Variants in VPS28 observed in about 807,000 individuals in gnomAD.
VPS28 encodes VPS28 subunit of ESCRT-I, also known as vacuolar protein sorting-associated protein 28 homolog.
VPS28 carries 29 observed loss-of-function variants against 33.7 expected under a neutral mutation model. The observed-to-expected ratio is 0.86, with a 90% CI of 0.64 to 1.17. VPS28 has a LOEUF of 1.17. VPS28 is among the 50% of genes most tolerant of loss of function. The pLI, the probability that VPS28 is intolerant of heterozygous loss-of-function variation, is 0.00. For missense variants in VPS28, 247 were observed against 312.2 expected (o/e 0.79, Z 1.57); for synonymous variants, 164 against 116.7 (o/e 1.40, Z -2.61).
chr8:144,426,931 G>A lies in VPS28; in HGVS notation c.15C>T (p.Ile5=), dbSNP rs143295212. Residue 5 remains isoleucine (I), a synonymous_variant, in exon 2 of 10, where the codon ATC becomes ATT. Coordinates refer to ENST00000292510, the MANE Select transcript of VPS28 (RefSeq NM_016208.4). MFHG[I]PATPGIGAPG... ...CACCTCCTATGCCCGGCGTGGCTGG[G>A]ATCCCATGAAACATCCTCTAGGCTC... 3 of 1,612,584 alleles carry A rather than the reference G, an allele frequency of 1.9e-6. No homozygotes were observed. Among genetic ancestry groups the A allele is most frequent in the African/African-American group, 2.7e-5 (2 of 74,920 alleles).
chr8:144,426,535 G>A, intron 2 of VPS28: 1 of 430,696 alleles, frequency 2.3e-6, no homozygotes, highest in Non-Finnish European at 4.2e-6. Context: ...CAGCTCCCCA[G>A]CTCCACCATG....
chr8:144,426,206 G>A lies in VPS28; in HGVS notation c.40C>T (p.Pro14Ser), dbSNP rs782765167. The part of the protein sequence containing the change: ...GIPATPGIGA[P>S]GNKPELYEEV... ...TCATACAGCTCCGGCTTGTTCCCAG[G>A]GGCTGCAAGAGAAGGCAGAGAGCTG... The change falls in exon 3 of 10, where the codon CCT becomes TCT. Residue 14 changes from proline to serine, a missense_variant and splice_region_variant. By Grantham distance (74) the Pro-to-Ser change is moderately conservative (BLOSUM62 -1). Transcript: ENST00000292510. 2 of 1,603,776 alleles carry A rather than the reference G, an allele frequency of 1.2e-6. No homozygotes were observed. Among genetic ancestry groups the A allele is most frequent in the South Asian group, 1.1e-5 (1 of 89,684 alleles).
Position 144,425,674 on chromosome 8 carries a change from G to A in VPS28, c.194+9C>T. 1.2e-6 allele frequency: 2 copies of A among 1,613,536 alleles called. No homozygotes were observed. The highest frequency in any genetic ancestry group is 1.7e-6 in the Non-Finnish European group (2 of 1,179,732). ...GCAGGAACAGACCTCCCAGGACGTG[G>A]GCTCTTACTCGCTGGGGGAGACACA... On this transcript the variant is annotated intron_variant, in intron 5 of 9. Transcript: ENST00000292510.
chr8:144,426,339 G>A, intron 2 of VPS28, 131 bp from the exon 3 acceptor site: 1 of 1,242,698 alleles, frequency 8.0e-7, no homozygotes, highest in South Asian at 1.6e-5. Flanking sequence ...AGAGGGAGCT[G>A]GAGCACAGAG....
rs868987240 is a variant in VPS28, at chr8:144,425,645, C to T, written c.194+38G>A. On this transcript the variant is annotated intron_variant, in intron 5 of 9. Coordinates refer to ENST00000292510, the MANE Select transcript of VPS28 (RefSeq NM_016208.4). ...CTGCCTATGGAGCACCCAAGCCCCC[C>T]AGGGCAGGAACAGACCTCCCAGGAC... The T allele has an allele frequency of 1.0e-5, 16 of 1,607,964 alleles. No homozygotes were observed. In the Middle Eastern group the frequency reaches 1.3e-3, roughly 133 times the overall value.
chr8:144,424,893 A>T, intron 6 of VPS28, 53 bp downstream of exon 6: 1 of 1,611,244 alleles, frequency 6.2e-7, no homozygotes, highest in Non-Finnish European at 8.5e-7. Flanking sequence ...CTGGCACCCC[A>T]TACCCATGCC....
chr8:144,423,722 G>A lies in VPS28; in HGVS notation c.*83C>T, dbSNP rs1033377474. On this transcript the variant is annotated 3_prime_UTR_variant, in exon 10 of 10. Coordinates refer to ENST00000292510, the MANE Select transcript of VPS28 (RefSeq NM_016208.4). Reference sequence around the variant, plus strand: ...GCTGCAGACAGTGAGTTGTGTGGATGACCACGGCCTGTGTGGCGGACAGGG... The same window carrying A: ...GCTGCAGACAGTGAGTTGTGTGGATAACCACGGCCTGTGTGGCGGACAGGG... 2.6e-6 allele frequency: 4 copies of A among 1,552,322 alleles called. No homozygotes were observed. Among genetic ancestry groups the A allele is most frequent in the Non-Finnish European group, 2.6e-6 (3 of 1,134,178 alleles).
intron 5 of VPS28, 132 bp from the exon 6 acceptor site, chr8:144,425,183 A>T: frequency 2.6e-6 from 2 of 758,014 alleles, no homozygotes; most frequent in South Asian, 3.4e-5. Flanking sequence ...CCGAGCAAGG[A>T]GGAGGGGCTG....
chr8:144,425,876 T>A (rs772299354), intron 4 of VPS28, 104 bp from the exon 5 acceptor site: 2 of 1,559,692 alleles, frequency 1.3e-6, no homozygotes, highest in Non-Finnish European at 1.7e-6. Context: ...TCTGCCCACC[T>A]CTTGCTCCAT....
Position 144,423,697 on chromosome 8 carries a change from G to GT in VPS28, c.*107_*108insA. On this transcript the variant is annotated 3_prime_UTR_variant, in exon 10 of 10. Coordinates refer to ENST00000292510, the MANE Select transcript of VPS28 (RefSeq NM_016208.4). Reference sequence around the variant, plus strand: ...ACCAAAGACAGACACCAGACAGGCAGCTGCAGACAGTGAGTTGTGTGGATG... The same window carrying GT: ...ACCAAAGACAGACACCAGACAGGCAGTCTGCAGACAGTGAGTTGTGTGGATG... 1.4e-6 allele frequency: 2 copies of GT among 1,398,322 alleles called. No individual in the cohort carries two copies. The highest frequency in any genetic ancestry group is 2.0e-6 in the Non-Finnish European group (2 of 1,007,726). The allele number at this position is 1,398,322 out of a possible 1,614,324, so 86.6% of individuals were successfully genotyped here.
chr8:144,426,341 A>T, intron 2 of VPS28, 133 bp from the exon 3 acceptor site: 1 of 1,246,478 alleles, frequency 8.0e-7, no homozygotes, highest in East Asian at 2.6e-5. Flanking sequence ...AGGGAGCTGG[A>T]GCACAGAGGT....
Position 144,426,204 on chromosome 8 carries a change from AG to A in VPS28, c.41del (p.Pro14LeufsTer11). On this transcript the variant is annotated frameshift_variant, in exon 3 of 10. Transcript: ENST00000292510. LOFTEE classifies it high-confidence loss of function. Reference protein sequence around the residue: ...GIPATPGIGAPGNKPELYEEV... With the variant: ...GIPATPGIGAXGNKPELYEEV... Reference sequence around the variant, plus strand: ...CCTCATACAGCTCCGGCTTGTTCCCAGGGGCTGCAAGAGAAGGCAGAGAGCT... The same window carrying A: ...CCTCATACAGCTCCGGCTTGTTCCCAGGGCTGCAAGAGAAGGCAGAGAGCT... 6.2e-7 allele frequency: 1 copy of A among 1,603,628 alleles called. No homozygotes were observed. Among genetic ancestry groups the A allele is most frequent in the Non-Finnish European group, 8.5e-7 (1 of 1,175,396 alleles).
At position 144,424,835 on chromosome 8, in the gene VPS28, T is replaced by G. The variant is rs782255311; in HGVS notation, c.301-16A>C. 3 of 1,613,698 alleles carry G rather than the reference T, an allele frequency of 1.9e-6. No homozygotes were observed. The highest frequency in any genetic ancestry group is 1.1e-5 in the South Asian group (1 of 91,084). On this transcript the variant is annotated splice_polypyrimidine_tract_variant and intron_variant, in intron 6 of 9. Transcript: ENST00000292510. ...GGCAGTCCAGCTGTTGGGGGTGACATGGGTGCTGGGGCTCTCAGGACAGCA... is the reference window on the plus strand; with the variant it reads ...GGCAGTCCAGCTGTTGGGGGTGACAGGGGTGCTGGGGCTCTCAGGACAGCA...
At chr8:144,426,350 GT>G in intron 2 of VPS28, 142 bp from the exon 3 acceptor site, 1 of 1,140,856 alleles carries the variant, frequency 8.8e-7, no homozygotes, top group Non-Finnish European at 1.2e-6. Flanking sequence ...GAGCACAGAG[GT>G]TCCAACCTCA....
intron 1 of VPS28, 176 bp from the exon 2 acceptor site, chr8:144,427,155 C>A (rs1412598071): frequency 8.9e-6 from 4 of 448,100 alleles, no homozygotes; most frequent in South Asian, 2.2e-5. Context: ...CAAAATTAGC[C>A]GGACGTTGTG....
rs1436177231 is a variant in VPS28, at chr8:144,424,341, CCCTCCTCAGCCACAGCTGTCACTTGGG to C, written c.403-100_403-74del. On this transcript the variant is annotated intron_variant, in intron 7 of 9. Transcript: ENST00000292510. Reference sequence around the variant, plus strand: ...GGCCCCACGGCTCACGGGCCCCAACCCCTCCTCAGCCACAGCTGTCACTTGGGCCTCCTCACTGTACTCTGTTCCCAA... The same window carrying C: ...GGCCCCACGGCTCACGGGCCCCAACCCCTCCTCACTGTACTCTGTTCCCAA... 2.0e-6 allele frequency: 3 copies of C among 1,512,484 alleles called. No individual in the cohort carries two copies. The African/African-American group carries it at 4.2e-5, about 21-fold the overall frequency. 93.7% of individuals were successfully genotyped at this position (1,512,484 alleles called of 1,614,324 possible). A position where few individuals can be genotyped will look rare whatever the true frequency, so the allele number is the denominator to read the frequency against.
At chr8:144,426,240 G>A in intron 2 of VPS28, 32 bp from the exon 3 acceptor site, 2 of 1,575,398 alleles carry the variant, frequency 1.3e-6, no homozygotes, top group East Asian at 2.3e-5. Flanking sequence ...TGGCAGGCTG[G>A]CCCCAAAGGG....
chr8:144,425,780 C>T lies in VPS28; in HGVS notation c.105-8G>A, dbSNP rs1554876564. On this transcript the variant is annotated splice_polypyrimidine_tract_variant and splice_region_variant and intron_variant, in intron 4 of 9. Transcript: ENST00000292510. ...TCTGCCATGTTGTCGTACCTGAGGA[C>T]ACACCTGTCTATCGGGCCAGGCCCC... 1 of 1,613,810 alleles carries T rather than the reference C, an allele frequency of 6.2e-7. No individual in the cohort carries two copies. Among genetic ancestry groups the T allele is most frequent in the Non-Finnish European group, 8.5e-7 (1 of 1,179,892 alleles).
chr8:144,426,898 GC>G lies in VPS28; in HGVS notation c.37+10del. On this transcript the variant is annotated intron_variant, in intron 2 of 9. Transcript: ENST00000292510. Reference sequence around the variant, plus strand: ...GCGGCTGAAAGCCTGCGCCCTTCCAGCCACACTCACCTCCTATGCCCGGCGT... The same window carrying G: ...GCGGCTGAAAGCCTGCGCCCTTCCAGCACACTCACCTCCTATGCCCGGCGT... 1 of 1,612,514 alleles carries G rather than the reference GC, an allele frequency of 6.2e-7. No homozygotes were observed. The highest frequency in any genetic ancestry group is 8.5e-7 in the Non-Finnish European group (1 of 1,179,718).
Sources: allele counts gnomAD v4.1 joint callset, GRCh38; gene constraint gnomAD v4.1.1; transcripts MANE v1.5; gene names NCBI Gene and HGNC (gene_info 2026-07-23, HGNC 2026-07-21).